The following ASTN2 variants were observed in gnomAD, a reference collection of about 807,000 sequenced individuals.
ASTN2 encodes astrotactin 2.
A neutral mutation model predicts 139.8 loss-of-function variants in ASTN2; 54 were observed. That is an observed-to-expected ratio of 0.39 (90% CI 0.31 to 0.48). The LOEUF (loss-of-function observed/expected upper bound fraction) is 0.48, where lower values mean the gene tolerates loss of function less well. Among genes scored for constraint, ASTN2 ranks in the 20% least tolerant of loss-of-function variants. ASTN2 has a pLI of 0.95. For synonymous variants in ASTN2, 756 were observed against 719.5 expected, an observed-to-expected ratio of 1.05 and a Z score of -0.81; for missense variants, 1,565 against 1,725.1, an observed-to-expected ratio of 0.91 and a Z score of 1.64.
intron 10 of ASTN2, among the ~76,000 whole-genome samples, chr9:116,872,446 G>A (rs1429058975): frequency 6.6e-6 from 1 of 152,200 alleles, no homozygotes; most frequent in Non-Finnish European, 1.5e-5. Context: ...GAGAAGGGAT[G>A]AAAGATCTGA....
chr9:117,010,695 G>C (rs1037556568), intron 6 of ASTN2, among the ~76,000 whole-genome samples: 3 of 150,830 alleles, frequency 2.0e-5, no homozygotes, highest in African/African-American at 7.3e-5. Context: ...GCAGACACAG[G>C]CATTCAGGAT....
At chr9:117,104,606 C>T (rs1258968660) in intron 4 of ASTN2, among the ~76,000 whole-genome samples, 2 of 152,090 alleles carry the variant, frequency 1.3e-5, no homozygotes, top group African/African-American at 2.4e-5. Context: ...AAAGTGCACA[C>T]ATAAAATATA....
At position 117,414,675 on chromosome 9, in the gene ASTN2, G is replaced by C. The variant is rs1207058258; in HGVS notation, c.264C>G (p.Ala88=). 23 of 1,252,846 alleles carry C rather than the reference G, an allele frequency of 1.8e-5. No homozygotes were observed. Among genetic ancestry groups the C allele is most frequent in the Non-Finnish European group, 2.3e-5 (23 of 1,002,714 alleles). The allele number at this position is 1,252,846 out of a possible 1,614,324, so 77.6% of individuals were successfully genotyped here. ...CGGCCCCGGTCCCAGCCCCGGCCCC[G>C]GCGCGGGCGCCGCTCCAGCCGATGT... ...ESDIGWSGAR[A]GAGAGTGAGA... is the part of the protein sequence containing the mutation. The change falls in exon 1 of 23, where the codon GCC becomes GCG. Residue 88 remains alanine, a synonymous_variant. Coordinates refer to ENST00000313400, the MANE Select transcript of ASTN2 (RefSeq NM_001365068.1). This position sits in a 1 kb window ranked among gnomAD's most constrained non-coding sequence, Gnocchi z 4.2.
At chr9:117,341,167 C>T (rs1829051571) in intron 1 of ASTN2, among the ~76,000 whole-genome samples, 1 of 152,154 alleles carries the variant, frequency 6.6e-6, no homozygotes, top group Non-Finnish European at 1.5e-5. Context: ...GAAGAGAAAA[C>T]AACTTAATAA....
chr9:117,172,703 G>A (rs1433609659), intron 3 of ASTN2, among the ~76,000 whole-genome samples: 1 of 152,080 alleles, frequency 6.6e-6, no homozygotes, highest in Non-Finnish European at 1.5e-5. Flanking sequence ...TTTCTCTCAC[G>A]AATGGGAAAA....
chr9:116,970,553 A>G (rs577973562), intron 10 of ASTN2, among the ~76,000 whole-genome samples: 1 of 151,966 alleles, frequency 6.6e-6, no homozygotes, highest in East Asian at 1.9e-4. Context: ...TGCAATTTTG[A>G]CTCATTTAAA....
chr9:116,805,560 A>G (rs1235680297), intron 13 of ASTN2, 72 bp downstream of exon 13: 3 of 1,458,060 alleles, frequency 2.1e-6, no homozygotes, highest in Non-Finnish European at 2.8e-6. Flanking sequence ...CATTGTGCCC[A>G]TGGCTTCCTC....
At chr9:117,332,513 C>A (rs567755156) in intron 1 of ASTN2, among the ~76,000 whole-genome samples, 71 of 152,278 alleles carry the variant, frequency 4.7e-4, no homozygotes, top group African/African-American at 1.7e-3. Flanking sequence ...TTGCAGTGAA[C>A]CAAGATTGCA....
rs1195877889 is a variant in ASTN2 at position 116,644,537 on chromosome 9, C to T, written c.3072+6991G>A. 2.0e-5 allele frequency among the ~76,000 whole-genome samples: 3 copies of T among 152,108 alleles called. No homozygotes were observed. The East Asian group carries it at 5.8e-4, about 29-fold the overall frequency. ...AAAAGATATTTCCAAGGGTTGAAGG[C>T]ATGTCTTACTTCAAATTCAGCCTTG... On this transcript the variant is annotated intron_variant, in intron 17 of 22. Transcript: ENST00000313400.
chr9:116,813,762 C>T (rs1376794782), intron 12 of ASTN2, among the ~76,000 whole-genome samples: 1 of 152,102 alleles, frequency 6.6e-6, no homozygotes, highest in Non-Finnish European at 1.5e-5. Flanking sequence ...AGGCCAAGTG[C>T]GATGGCTCAT....
chr9:117,355,250 C>T (rs761744742), intron 1 of ASTN2, among the ~76,000 whole-genome samples: 1 of 152,086 alleles, frequency 6.6e-6, no homozygotes, highest in Non-Finnish European at 1.5e-5. Context: ...GAAATCTTGG[C>T]ACAAATGAAA....
intron 7 of ASTN2, among the ~76,000 whole-genome samples, chr9:117,004,695 C>G (rs1186705012): frequency 6.6e-6 from 1 of 152,156 alleles, no homozygotes; most frequent in African/African-American, 2.4e-5. Flanking sequence ...ATTCACGTAA[C>G]CAGTTTTTCG....
intron 11 of ASTN2, among the ~76,000 whole-genome samples, chr9:116,822,690 T>G (rs1831524360): frequency 6.6e-6 from 1 of 152,192 alleles, no homozygotes; most frequent in African/African-American, 2.4e-5. Context: ...AGCTCCAGGT[T>G]TTATCTAAGC....
chr9:116,911,251 G>A (rs1834302432), intron 10 of ASTN2, among the ~76,000 whole-genome samples: 1 of 152,108 alleles, frequency 6.6e-6, no homozygotes, highest in Non-Finnish European at 1.5e-5. Flanking sequence ...CTCACAGCAT[G>A]GGAAGAAAGT....
chr9:116,701,071 G>A (rs1372504835), intron 16 of ASTN2: 1 of 167,116 alleles, frequency 6.0e-6, no homozygotes, highest in African/African-American at 2.4e-5. Context: ...AAGTGGGTGA[G>A]AGGACCTGTG....
At chr9:116,767,226 G>A (rs1216350616) in intron 13 of ASTN2, among the ~76,000 whole-genome samples, 1 of 152,056 alleles carries the variant, frequency 6.6e-6, no homozygotes, top group Non-Finnish European at 1.5e-5. Context: ...TGACTCAATG[G>A]GAACCCGCCC....
At position 116,865,483 on chromosome 9, in the gene ASTN2, A is replaced by G. The variant is rs566580342; in HGVS notation, c.1890-1750T>C. ...GCAAGCGAAGAAGGCAGGATTTGGTAAAGAGAGAGACTGATCTACAGTGCG... is the reference window on the plus strand; with the variant it reads ...GCAAGCGAAGAAGGCAGGATTTGGTGAAGAGAGAGACTGATCTACAGTGCG... On this transcript the variant is annotated intron_variant, in intron 10 of 22. Transcript: ENST00000313400. Among the ~76,000 whole-genome samples, 4 of 150,862 alleles carry G rather than the reference A, an allele frequency of 2.7e-5. No homozygotes were observed. The East Asian group carries it at 7.8e-4, about 29-fold the overall frequency.
Position 117,206,467 on chromosome 9 carries a change from A to G in ASTN2, c.1015+7891T>C, listed in dbSNP as rs138462678. 2.7e-3 allele frequency among the ~76,000 whole-genome samples: 411 copies of G among 152,248 alleles called. 1 individual carries two copies. Among genetic ancestry groups the G allele is most frequent in the African/African-American group, 9.0e-3 (374 of 41,538 alleles). On this transcript the variant is annotated intron_variant, in intron 3 of 22. Transcript: ENST00000313400. ...CACTGTCCTGGATTAGAAGCACAGC[A>G]TGTGTACTTCTCACTTCCACCCACC... is the stretch of plus-strand genomic sequence containing the variant.
chr9:116,484,840 T>C (rs1849288736), intron 20 of ASTN2, among the ~76,000 whole-genome samples: 1 of 152,160 alleles, frequency 6.6e-6, no homozygotes, highest in Non-Finnish European at 1.5e-5. Context: ...AGGAAAGTGT[T>C]CATCACTTTT....
Sources: allele counts gnomAD v4.1 joint callset (sites outside exome capture counted in the v4.1 genomes callset), GRCh38; gene constraint gnomAD v4.1.1; non-coding constraint Gnocchi (gnomAD v3.1); transcripts MANE v1.5; gene names NCBI Gene and HGNC (gene_info 2026-07-23, HGNC 2026-07-21).